The following POLR1A variants were observed in gnomAD, a reference collection of about 807,000 sequenced individuals.
POLR1A encodes RNA polymerase I subunit A, also known as DNA-directed RNA polymerase I subunit RPA1.
Under a neutral mutation model 205.3 loss-of-function variants are expected in POLR1A, and 84 were observed. That is an observed-to-expected ratio of 0.41 (90% confidence interval 0.34 to 0.49). The LOEUF is 0.49. POLR1A is among the 20% of genes least tolerant of loss of function. POLR1A has a pLI of 0.22. For synonymous variants in POLR1A, 799 were observed against 863.7 expected (o/e 0.93, Z 1.31); for missense variants, 1,645 against 2,204.5 (o/e 0.75, Z 5.08).
In POLR1A at chr2:86,027,271, C is replaced by T; in HGVS notation, c.*152G>A. 2 of 666,442 alleles carry T rather than the reference C, an allele frequency of 3.0e-6. No individual in the cohort carries two copies. Among genetic ancestry groups the T allele is most frequent in the Non-Finnish European group, 5.4e-6 (2 of 371,524 alleles). The allele number at this position is 666,442 out of a possible 1,614,324, so 41.3% of individuals were successfully genotyped here. A position where few individuals can be genotyped will look rare whatever the true frequency, so the allele number is the denominator to read the frequency against. On this transcript the variant is annotated 3_prime_UTR_variant, in exon 34 of 34. Coordinates refer to ENST00000263857, the MANE Select transcript of POLR1A (RefSeq NM_015425.6). ...GAAGCTGGCCCAGCTCAGAGGCCCA[C>T]TGCTTTCAGGCCCAAGGTCGCTGCT...
chr2:86,040,923 T>G (rs1307896906), intron 24 of POLR1A, among the ~76,000 whole-genome samples: 4 of 152,160 alleles, frequency 2.6e-5, no homozygotes, highest in African/African-American at 9.7e-5. Flanking sequence ...TCTTCTCAAT[T>G]ATGACAATTT....
At chr2:86,093,888 T>TTA (rs769611784) in intron 3 of POLR1A, among the ~76,000 whole-genome samples, 10 of 152,214 alleles carry the variant, frequency 6.6e-5, no homozygotes, top group Non-Finnish European at 1.2e-4. Context: ...CTGTTACACT[T>TTA]TTTAGTCTCC....
chr2:86,042,889 C>A, intron 23 of POLR1A, 85 bp downstream of exon 23: 1 of 943,122 alleles, frequency 1.1e-6, no homozygotes, highest in Non-Finnish European at 1.7e-6. Context: ...ATTCTACCTT[C>A]TCTTAGGAAA....
chr2:86,041,904 T>G lies in POLR1A; in HGVS notation c.3557A>C (p.Glu1186Ala), dbSNP rs374106859. ...CTGTCAATACCTGTCGAGAGAAAGC[T>G]CTGATTTCTCATAACTCTTCTCTGT... ...AQTEKSYEKSELSLDRLRTLL... is the reference protein window; with the variant it reads ...AQTEKSYEKSALSLDRLRTLL... The change falls in exon 24 of 34, where the codon GAG becomes GCG. Residue 1186 changes from glutamate to alanine, a missense_variant. By Grantham distance (107) the Glu-to-Ala change is moderately radical. This residue lies in a region of POLR1A where 201 missense variants were observed against 222.3 expected (regional missense o/e 0.90). Transcript: ENST00000263857. 47 of 1,613,484 alleles carry G rather than the reference T, an allele frequency of 2.9e-5. No homozygotes were observed. The African/African-American group carries it at 6.0e-4, about 21-fold the overall frequency.
At chr2:86,058,585 C>T (rs1194206523) in intron 14 of POLR1A, among the ~76,000 whole-genome samples, 2 of 149,696 alleles carry the variant, frequency 1.3e-5, no homozygotes, top group Admixed American at 6.6e-5. Flanking sequence ...CTGAAGTCTC[C>T]TCTTGCACTA....
At chr2:86,068,260 T>A (rs1473519766) in intron 13 of POLR1A, among the ~76,000 whole-genome samples, 1 of 152,104 alleles carries the variant, frequency 6.6e-6, no homozygotes, top group Non-Finnish European at 1.5e-5. Context: ...TGGTGAAATA[T>A]GACTCGGCTG....
intron 20 of POLR1A, 76 bp downstream of exon 20, chr2:86,045,536 CCCTGT>C (rs1292054038): frequency 1.4e-6 from 2 of 1,480,820 alleles, no homozygotes; most frequent in African/African-American, 2.8e-5. Context: ...TTCTGCCCTA[CCCTGT>C]AGGGCAGTCA....
chr2:86,041,890 T>C lies in POLR1A; in HGVS notation c.3571A>G (p.Arg1191Gly), dbSNP rs374725354. The stretch of plus-strand genomic sequence containing the variant: ...TGTGCAACAAATCACTGTCAATACC[T>C]GTCGAGAGAAAGCTCTGATTTCTCA... ...SYEKSELSLDRLRTLLQLKWQ... is the reference protein window; with the variant it reads ...SYEKSELSLDGLRTLLQLKWQ... Residue 1191 changes from arginine to glycine, a missense_variant and splice_region_variant, in exon 24 of 34, where the codon AGG (arginine) becomes GGG (glycine). Transcript: ENST00000263857. 2 of 1,612,112 alleles carry C rather than the reference T, an allele frequency of 1.2e-6. No homozygotes were observed. Among genetic ancestry groups the C allele is most frequent in the African/African-American group, 2.7e-5 (2 of 74,920 alleles).
chr2:86,030,294 G>C lies in POLR1A; in HGVS notation c.4681C>G (p.Arg1561Gly). Reference protein sequence around the residue: ...AVIYATKGITRCLLNETTNNK... With the variant: ...AVIYATKGITGCLLNETTNNK... ...TTGGTTGTTTCATTCAGGAGGCACC[G>C]AGTGATGCCCTTGGTCGCATAGATG... The change falls in exon 31 of 34, where the codon CGG becomes GGG. Residue 1561 changes from arginine (R) to glycine (G), a missense_variant. Around this residue, in one of 16 missense-constraint regions of POLR1A, gnomAD observed 394 missense variants for 468.5 expected, o/e 0.84. Transcript: ENST00000263857. The C allele has an allele frequency of 6.2e-7, 1 of 1,613,902 alleles. No homozygotes were observed. Among genetic ancestry groups the C allele is most frequent in the Non-Finnish European group, 8.5e-7 (1 of 1,179,748 alleles).
At chr2:86,073,710 T>C (rs1464782889) in intron 12 of POLR1A, among the ~76,000 whole-genome samples, 2 of 152,218 alleles carry the variant, frequency 1.3e-5, no homozygotes, top group African/African-American at 4.8e-5. Context: ...TCCCCCACCA[T>C]GCTGTCAACT....
Position 86,041,872 on chromosome 2 carries a change from C to T in POLR1A, c.3572+17G>A. The T allele has an allele frequency of 1.2e-6, 2 of 1,605,216 alleles. No individual in the cohort carries two copies. Among genetic ancestry groups the T allele is most frequent in the Non-Finnish European group, 1.7e-6 (2 of 1,171,924 alleles). On this transcript the variant is annotated intron_variant, in intron 24 of 33. Coordinates refer to ENST00000263857, the MANE Select transcript of POLR1A (RefSeq NM_015425.6). ...AGATTCTCCTGCACATGTTGTGCAA[C>T]AAATCACTGTCAATACCTGTCGAGA... is the stretch of plus-strand genomic sequence containing the variant.
intron 14 of POLR1A, among the ~76,000 whole-genome samples, chr2:86,061,443 A>C (rs2104405542): frequency 6.6e-6 from 1 of 152,318 alleles, no homozygotes. Context: ...GTATTATTAC[A>C]AGCATTTTGG....
chr2:86,065,468 A>G lies in POLR1A; in HGVS notation c.1867-3T>C. On this transcript the variant is annotated splice_polypyrimidine_tract_variant and splice_region_variant and intron_variant, in intron 13 of 33. Transcript: ENST00000263857. ...AGTCCCGCCAATGGTTGGCCATCCT[A>G]TAAGCCAAAACAGACAACACAAGAA... is the stretch of plus-strand genomic sequence containing the variant. The G allele has an allele frequency of 6.2e-7, 1 of 1,611,970 alleles. No homozygotes were observed. The highest frequency in any genetic ancestry group is 8.5e-7 in the Non-Finnish European group (1 of 1,178,940).
intron 15 of POLR1A, 124 bp downstream of exon 15, chr2:86,054,016 G>A (rs963211007): frequency 1.3e-5 from 12 of 894,958 alleles, no homozygotes; most frequent in Admixed American, 7.2e-5. Flanking sequence ...CAGGCACAAC[G>A]CCTTCTCTTC....
At chr2:86,076,414 T>G (rs540842390) in intron 11 of POLR1A, among the ~76,000 whole-genome samples, 1 of 152,366 alleles carries the variant, frequency 6.6e-6, no homozygotes, top group African/African-American at 2.4e-5. Context: ...ATTTACTGTC[T>G]GTCTCCACCC....
At chr2:86,052,308 T>C (rs1318725032) in intron 16 of POLR1A, among the ~76,000 whole-genome samples, 1 of 152,174 alleles carries the variant, frequency 6.6e-6, no homozygotes, top group African/African-American at 2.4e-5. Flanking sequence ...CTGAGAATTC[T>C]GAAAGGGCAC....
Position 86,045,757 on chromosome 2 carries a change from G to A in POLR1A, c.2746C>T (p.Leu916=). The part of the protein sequence containing the change: ...TVNTMQISCL[L]GQIELEGRRP... The stretch of plus-strand genomic sequence containing the variant: ...CGACCTTCCAGTTCAATCTGGCCCA[G>A]CAGGCACGAGATCTGGAGGACAGGA... The change falls in exon 20 of 34, where the codon CTG becomes TTG. Residue 916 remains leucine, a synonymous_variant. Transcript: ENST00000263857. The A allele has an allele frequency of 6.2e-7, 1 of 1,606,720 alleles. No individual in the cohort carries two copies. Among genetic ancestry groups the A allele is most frequent in the Non-Finnish European group, 8.5e-7 (1 of 1,178,400 alleles).
Position 86,054,221 on chromosome 2 carries a change from C to T in POLR1A, c.2127G>A (p.Ala709=). 8 of 1,613,948 alleles carry T rather than the reference C, an allele frequency of 5.0e-6. No homozygotes were observed. Among genetic ancestry groups the T allele is most frequent in the Non-Finnish European group, 5.9e-6 (7 of 1,179,844 alleles). ...DHIPLNLSGK[A]KITGKAWVKE... is the part of the protein sequence containing the mutation. ...TCACCCAGGCTTTCCCAGTGATTTT[C>T]GCCTTTCCAGATAAGTTCAGTGGGA... is the stretch of plus-strand genomic sequence containing the variant. The change falls in exon 15 of 34, where the codon GCG becomes GCA. Residue 709 remains alanine, a synonymous_variant. Transcript: ENST00000263857.
chr2:86,078,369 G>T (rs1673335736), intron 9 of POLR1A, 85 bp from the exon 10 acceptor site: 4 of 1,090,516 alleles, frequency 3.7e-6, no homozygotes, highest in Admixed American at 2.4e-5. Context: ...TCTTACCCTG[G>T]ATCTGACAAC....
Sources: gnomAD v4.1 joint callset for allele counts (sites outside exome capture counted in the v4.1 genomes callset) on GRCh38, gnomAD v4.1.1 for gene constraint, gnomAD v4.1.1 regional missense constraint, MANE v1.5 for transcripts, NCBI Gene and HGNC (gene_info 2026-07-23, HGNC 2026-07-21) for gene names.